Variants in ZNF600 observed in about 807,000 individuals in gnomAD.
ZNF600 encodes the protein zinc finger protein KR-ZNF1.
In ZNF600, 4 loss-of-function variants were observed where a neutral mutation model predicts 7.3. The observed-to-expected ratio is 0.55, with a 90% CI of 0.27 to 1.25. ZNF600 has a LOEUF of 1.25. Among genes scored for constraint, ZNF600 ranks in the 50% most tolerant of loss-of-function variants. The probability of loss-of-function intolerance (pLI) is 0.12; values close to 1 mark genes in which losing one functional copy is unlikely to be tolerated. For missense variants in ZNF600, 911 were observed against 922.1 expected, an observed-to-expected ratio of 0.99 and a Z score of 0.16; for synonymous variants, 290 against 308.9, an observed-to-expected ratio of 0.94 and a Z score of 0.64.
intron 3 of ZNF600, among the ~76,000 whole-genome samples, chr19:52,772,407 A>T (rs1334091833): frequency 6.6e-6 from 1 of 152,184 alleles, no homozygotes; most frequent in Non-Finnish European, 1.5e-5. Flanking sequence ...GTTCGAGACC[A>T]GCCTGGCCAA....
chr19:52,790,823 AT>A (rs553435055), upstream of ZNF600, among the ~76,000 whole-genome samples: 391 of 151,428 alleles, frequency 2.6e-3, 2 homozygotes, highest in African/African-American at 9.2e-3. Context: ...AGTAGCTGAG[AT>A]TACAGGCATG....
rs182003340 is a variant in ZNF600 at position 52,780,081 on chromosome 19, C to T, written c.-19-1174G>A. 1.1e-3 allele frequency among the ~76,000 whole-genome samples: 171 copies of T among 152,172 alleles called. 2 individuals are homozygous for T. Among genetic ancestry groups the T allele is most frequent in the Middle Eastern group, 6.8e-3 (2 of 294 alleles). On this transcript the variant is annotated intron_variant, in intron 1 of 3. Coordinates refer to ENST00000648973, the Ensembl canonical transcript of ZNF600. ...CATTTCTCTGTGACCTGGAAGCCCA[C>T]TCCGTGCTTCAAGTCTTCCTGCCTT... is the stretch of plus-strand genomic sequence containing the variant.
At chr19:52,767,034 G>A (rs1207103303) in exon 4 of ZNF600, 3 of 1,614,062 alleles carry the variant, frequency 1.9e-6, no homozygotes, top group Admixed American at 3.3e-5. Flanking sequence ...TTTTACTGCA[G>A]TGTGAAGTCT....
At chr19:52,807,102 T>C in the ZNF600 span, among the ~76,000 whole-genome samples, 2 of 152,190 alleles carry the variant, frequency 1.3e-5, no homozygotes, top group Non-Finnish European at 1.5e-5. Context: ...TTTGCACCTG[T>C]AATACATTCC....
At chr19:52,811,320 T>G in the ZNF600 span, among the ~76,000 whole-genome samples, 3 of 149,826 alleles carry the variant, frequency 2.0e-5, no homozygotes. Context: ...CCACCCCGTC[T>G]GGGAAGTGAG....
chr19:52,817,432 C>T, the ZNF600 span, among the ~76,000 whole-genome samples: 1 of 152,114 alleles, frequency 6.6e-6, no homozygotes, highest in African/African-American at 2.4e-5. Flanking sequence ...TATGAACATT[C>T]CATTCTAATT....
At chr19:52,805,642 A>AC in the ZNF600 span, 1 of 139,042 alleles carries the variant, frequency 7.2e-6, no homozygotes, top group Non-Finnish European at 1.5e-5. Flanking sequence ...TAATAATAAT[A>AC]AAAATAAATA....
chr19:52,786,858 C>G, upstream of ZNF600: 1 of 238,522 alleles, frequency 4.2e-6, no homozygotes. Context: ...GCGGAGAGAC[C>G]TTGCCCTTTA....
intron 3 of ZNF600, among the ~76,000 whole-genome samples, chr19:52,768,324 C>T (rs923977508): frequency 4.7e-5 from 7 of 150,226 alleles, no homozygotes; most frequent in African/African-American, 1.7e-4. Context: ...CTGACAGTCA[C>T]AGCAACTTGG....
At chr19:52,778,970 C>A (rs1186148573) in intron 1 of ZNF600, 63 bp from the exon 4 acceptor site, 32 of 1,474,076 alleles carry the variant, frequency 2.2e-5, no homozygotes, top group Non-Finnish European at 2.6e-5. Context: ...TGTGACAAAA[C>A]CACATGAACA....
chr19:52,786,970 C>T (rs530563272), upstream of ZNF600, among the ~76,000 whole-genome samples: 43 of 152,346 alleles, frequency 2.8e-4, no homozygotes, highest in South Asian at 8.9e-3. Context: ...GCCAGGAAGG[C>T]TGAGGCATGA....
chr19:52,794,959 T>C, the ZNF600 span, among the ~76,000 whole-genome samples: 12 of 152,218 alleles, frequency 7.9e-5, no homozygotes, highest in African/African-American at 2.9e-4. Context: ...AACATAATTA[T>C]TTTCTGAGAA....
upstream of ZNF600, among the ~76,000 whole-genome samples, chr19:52,787,732 T>A (rs928627416): frequency 2.0e-5 from 3 of 149,440 alleles, no homozygotes; most frequent in Admixed American, 6.7e-5. Context: ...TGGTGGTGGG[T>A]GCCTGTAATC....
At chr19:52,821,148 C>T in the ZNF600 span, among the ~76,000 whole-genome samples, 2 of 151,794 alleles carry the variant, frequency 1.3e-5, no homozygotes, top group Non-Finnish European at 2.9e-5. Flanking sequence ...AGCGACGACG[C>T]CTTCGGACAA....
At chr19:52,775,722 T>A (rs1257266822) in intron 2 of ZNF600, among the ~76,000 whole-genome samples, 4 of 152,134 alleles carry the variant, frequency 2.6e-5, no homozygotes, top group African/African-American at 9.7e-5. Context: ...AAAACTGTCA[T>A]GACTGCGCAG....
At chr19:52,796,325 G>A in the ZNF600 span, among the ~76,000 whole-genome samples, 5 of 152,154 alleles carry the variant, frequency 3.3e-5, no homozygotes, top group South Asian at 1.0e-3. Flanking sequence ...ATGGACACGA[G>A]ACAGCAATCA....
At position 52,785,993 on chromosome 19, in the gene ZNF600, T is replaced by C. The variant is rs921018955; in HGVS notation, c.-20+602A>G. Among the ~76,000 whole-genome samples the C allele has an allele frequency of 3.3e-5, 5 of 152,316 alleles. No homozygotes were observed. In the East Asian group the frequency reaches 9.7e-4, roughly 29 times the overall value. On this transcript the variant is annotated intron_variant, in intron 1 of 3. Transcript: ENST00000648973. ...CCATCCTCTACTTTGCCATCTGTTA[T>C]GGGCCTTTCTCATTCTTCTTTTCTC...
At chr19:52,765,528 A>G (rs2062561647) in exon 4 of ZNF600, 2 of 1,610,630 alleles carry the variant, frequency 1.2e-6, no homozygotes, top group South Asian at 1.1e-5. Flanking sequence ...TTCATTATAG[A>G]TTCTCCAATG....
At chr19:52,778,899 G>C (rs1263040093) in exon 2 of ZNF600, 1 of 1,595,732 alleles carries the variant, frequency 6.3e-7, no homozygotes, top group Admixed American at 1.8e-5. Flanking sequence ...GAGTCTTTAG[G>C]AATCAATCCT....
Sources: allele counts gnomAD v4.1 joint callset (sites outside exome capture counted in the v4.1 genomes callset), GRCh38; gene constraint gnomAD v4.1.1; transcripts MANE v1.5; gene names NCBI Gene and HGNC (gene_info 2026-07-23, HGNC 2026-07-21).